The following CDON variants were observed in gnomAD, a reference collection of about 807,000 sequenced individuals.
CDON encodes cell adhesion molecule-related/down-regulated by oncogenes.
A neutral mutation model predicts 120.9 loss-of-function variants in CDON; 73 were observed. That is an observed-to-expected ratio of 0.60 (90% CI 0.50 to 0.73). CDON has a LOEUF of 0.73. Among genes scored for constraint, CDON ranks in the 30% least tolerant of loss-of-function variants. CDON has a pLI of 0.00. For synonymous variants in CDON, 566 were observed against 573.5 expected, an observed-to-expected ratio of 0.99 and a Z score of 0.19; for missense variants, 1,470 against 1,587.3, an observed-to-expected ratio of 0.93 and a Z score of 1.26.
chr11:126,061,499 A>G (rs1393650324), intron 1 of CDON, among the ~76,000 whole-genome samples: 1 of 152,182 alleles, frequency 6.6e-6, no homozygotes, highest in Non-Finnish European at 1.5e-5. Context: ...TATGCTGACA[A>G]TAAACTCATT....
At chr11:126,003,081 C>T (rs191188025) in intron 10 of CDON, among the ~76,000 whole-genome samples, 4 of 152,276 alleles carry the variant, frequency 2.6e-5, no homozygotes, top group Non-Finnish European at 5.9e-5. Context: ...ACAACTCCTA[C>T]CCCATATACT....
At chr11:126,053,846 C>A (rs1314370624) in intron 1 of CDON, among the ~76,000 whole-genome samples, 2 of 151,920 alleles carry the variant, frequency 1.3e-5, no homozygotes, top group African/African-American at 4.9e-5. Flanking sequence ...TGAAACCACG[C>A]TCACTCCCTA....
Position 125,956,902 on chromosome 11 carries a change from A to T in CDON, c.*4040T>A. 1 of 962,840 alleles carries T rather than the reference A, an allele frequency of 1.0e-6. No individual in the cohort carries two copies. The highest frequency in any genetic ancestry group is 1.2e-6 in the Non-Finnish European group (1 of 809,386). 59.6% of individuals were successfully genotyped at this position (962,840 alleles called of 1,614,324 possible). A position where few individuals can be genotyped will look rare whatever the true frequency, so the allele number is the denominator to read the frequency against. ...CTCTCAGGACTGGGGCTAGGGTTTA[A>T]GGAAGGCTTATTTAAATATGGGAAA... On this transcript the variant is annotated 3_prime_UTR_variant, in exon 20 of 20. Transcript: ENST00000531738.
At chr11:126,061,385 G>A (rs931027121) in intron 1 of CDON, among the ~76,000 whole-genome samples, 2 of 152,042 alleles carry the variant, frequency 1.3e-5, no homozygotes, top group Non-Finnish European at 2.9e-5. Flanking sequence ...TTTTTTGAAG[G>A]TTTTCTTTCA....
chr11:126,039,093 TA>T lies in CDON; in HGVS notation c.-61-15557del, dbSNP rs780102369. ...TATTTCCATTTCTGTTGGAGAAGAA[TA>T]AAAAGCCAACTTAAGTCTATGGCTG... On this transcript the variant is annotated intron_variant, in intron 1 of 19. Transcript: ENST00000531738. 3.3e-5 allele frequency among the ~76,000 whole-genome samples: 5 copies of T among 152,108 alleles called. No homozygotes were observed. The East Asian group carries it at 9.6e-4, about 29-fold the overall frequency.
intron 9 of CDON, chr11:126,005,290 A>C: frequency 1.0e-5 from 2 of 191,666 alleles, no homozygotes; most frequent in Admixed American, 5.7e-5. Flanking sequence ...TAACAGAGCA[A>C]AACCCTGTCT....
At chr11:126,060,565 A>C (rs1948773602) in intron 1 of CDON, among the ~76,000 whole-genome samples, 1 of 152,130 alleles carries the variant, frequency 6.6e-6, no homozygotes. Flanking sequence ...GGAAAAAAAA[A>C]AATTCTACAG....
chr11:125,971,133 C>T (rs951987375), intron 18 of CDON, among the ~76,000 whole-genome samples: 3 of 152,046 alleles, frequency 2.0e-5, no homozygotes, highest in Admixed American at 2.0e-4. Context: ...CCTGTAATCC[C>T]AGTACTTTGG....
upstream of CDON, among the ~76,000 whole-genome samples, chr11:126,063,011 T>G (rs1467995739): frequency 6.6e-6 from 1 of 151,512 alleles, no homozygotes; most frequent in African/African-American, 2.4e-5. Context: ...TAGAGGCCGC[T>G]GTGCCCCGCC....
At chr11:125,964,737 C>T (rs1272939192) in intron 18 of CDON, among the ~76,000 whole-genome samples, 2 of 152,122 alleles carry the variant, frequency 1.3e-5, no homozygotes, top group Non-Finnish European at 2.9e-5. Flanking sequence ...GCACTTTGCA[C>T]GTTCTAGCCA....
At chr11:126,030,716 C>A (rs1395042084) in intron 1 of CDON, among the ~76,000 whole-genome samples, 1 of 152,122 alleles carries the variant, frequency 6.6e-6, no homozygotes, top group African/African-American at 2.4e-5. Context: ...AAAAATTCTT[C>A]ATTAAGTACT....
chr11:125,960,896 C>A lies in CDON; in HGVS notation c.*46G>T, dbSNP rs201667736. On this transcript the variant is annotated 3_prime_UTR_variant, in exon 20 of 20. Coordinates refer to ENST00000531738, the MANE Select transcript of CDON (RefSeq NM_001378964.1). ...AGTTCGCTCCCAGGCCTGTTGTGTG[C>A]AGTTACCGGCTTGAAGTTGGAACAT... 103 of 1,583,456 alleles carry A rather than the reference C, an allele frequency of 6.5e-5. No homozygotes were observed. The African/African-American group carries it at 1.1e-3, about 18-fold the overall frequency.
intron 4 of CDON, 85 bp downstream of exon 4, chr11:126,019,534 G>A (rs919771068): frequency 1.0e-5 from 15 of 1,428,868 alleles, no homozygotes; most frequent in African/African-American, 1.4e-5. Flanking sequence ...TCCACAGTTC[G>A]TCCCTAGCAC....
intron 3 of CDON, among the ~76,000 whole-genome samples, chr11:126,020,658 C>T (rs552191249): frequency 2.6e-5 from 4 of 152,210 alleles, no homozygotes; most frequent in Admixed American, 2.0e-4. Flanking sequence ...AAGCCATCAC[C>T]GTTTGAAACG....
intron 18 of CDON, among the ~76,000 whole-genome samples, chr11:125,964,131 A>T (rs923067868): frequency 9.9e-5 from 15 of 152,200 alleles, no homozygotes; most frequent in African/African-American, 3.6e-4. Context: ...GGGAACCCTC[A>T]AGTCCCCCTG....
chr11:125,976,811 T>C (rs940771838), intron 18 of CDON, among the ~76,000 whole-genome samples: 1 of 152,220 alleles, frequency 6.6e-6, no homozygotes, highest in Non-Finnish European at 1.5e-5. Flanking sequence ...CAATCTTACA[T>C]TACCTAGGAC....
At chr11:125,999,306 A>G (rs947388588) in intron 11 of CDON, among the ~76,000 whole-genome samples, 2 of 152,226 alleles carry the variant, frequency 1.3e-5, no homozygotes, top group Admixed American at 1.3e-4. Flanking sequence ...TGCACGGAAA[A>G]TAATACCTTC....
intron 17 of CDON, among the ~76,000 whole-genome samples, chr11:125,979,876 A>G (rs145794926): frequency 1.0e-3 from 157 of 152,370 alleles, no homozygotes; most frequent in African/African-American, 3.7e-3. Context: ...AATGAGATGC[A>G]TTAAAGCAAA....
rs1350762144 is a variant in CDON, at chr11:125,959,566, G to A, written c.*1376C>T. The A allele has an allele frequency of 6.6e-6, 1 of 151,562 alleles. No homozygotes were observed. The highest frequency in any genetic ancestry group is 1.5e-5 in the Non-Finnish European group (1 of 67,942). The allele number at this position is 151,562 out of a possible 1,614,324, so 9.4% of individuals were successfully genotyped here. ...TTACAAGGGTGACATTCTGAAAAAGGTATCAGGAAATTTCAGGAAAAAAAC... is the reference window on the plus strand; with the variant it reads ...TTACAAGGGTGACATTCTGAAAAAGATATCAGGAAATTTCAGGAAAAAAAC... On this transcript the variant is annotated 3_prime_UTR_variant, in exon 20 of 20. Transcript: ENST00000531738.
Sources: allele counts gnomAD v4.1 joint callset (sites outside exome capture counted in the v4.1 genomes callset), GRCh38; gene constraint gnomAD v4.1.1; transcripts MANE v1.5; gene names NCBI Gene and HGNC (gene_info 2026-07-23, HGNC 2026-07-21).